Variants in PCDHB12 observed in about 807,000 individuals in gnomAD.
PCDHB12 encodes protocadherin beta 12, also known as protocadherin beta-12.
For synonymous variants in PCDHB12, 560 were observed against 445.2 expected (o/e 1.26, Z -3.24); for missense variants, 1,192 against 998.2 (o/e 1.19, Z -2.62).
Position 141,210,212 on chromosome 5 carries a change from C to T in PCDHB12, c.1305C>T (p.His435=), listed in dbSNP as rs1394543068. 18 of 1,614,090 alleles carry T rather than the reference C, an allele frequency of 1.1e-5. No individual in the cohort carries two copies. The highest frequency in any genetic ancestry group is 3.3e-5 in the Admixed American group (2 of 60,004). Residue 435 remains histidine, a synonymous_variant, in exon 1 of 1, where the codon CAC becomes CAT. Coordinates refer to ENST00000239450, the MANE Select transcript of PCDHB12 (RefSeq NM_018932.4). ...DLGTPRLKTE[H]NITVLVSDVN... is the part of the protein sequence containing the mutation. Reference sequence around the variant, plus strand: ...GGACCCCCAGGCTAAAAACCGAGCACAACATAACCGTGCTGGTCTCCGACG... The same window carrying T: ...GGACCCCCAGGCTAAAAACCGAGCATAACATAACCGTGCTGGTCTCCGACG...
chr5:141,210,867 G>A lies in PCDHB12; in HGVS notation c.1960G>A (p.Ala654Thr). 1.9e-6 allele frequency: 3 copies of A among 1,604,326 alleles called. No homozygotes were observed. The highest frequency in any genetic ancestry group is 2.5e-6 in the Non-Finnish European group (3 of 1,179,300). Reference sequence around the variant, plus strand: ...GGACAATGGCGAGCCTCCGCGCTCGGCCACCGCCACGCTGCACGTGCTCCT... The same window carrying A: ...GGACAATGGCGAGCCTCCGCGCTCGACCACCGCCACGCTGCACGTGCTCCT... ...VKDNGEPPRSATATLHVLLVD... is the reference protein window; with the variant it reads ...VKDNGEPPRSTTATLHVLLVD... The change falls in exon 1 of 1, where the codon GCC (alanine) becomes ACC (threonine). Residue 654 changes from alanine to threonine, a missense_variant. Transcript: ENST00000239450.
In PCDHB12 at chr5:141,210,358, C is replaced by T. The variant is rs782098156; in HGVS notation, c.1451C>T (p.Ala484Val). Residue 484 changes from alanine to valine, a missense_variant, in exon 1 of 1, where the codon GCC becomes GTC. Ala to Val is a moderately conservative substitution (Grantham distance 64, BLOSUM62 0). Transcript: ENST00000239450. ...SATDRDSGTN[A>V]QVNYSLLPSQ... ...ACAGACAGAGACTCGGGCACCAACG[C>T]CCAGGTCAACTACTCGCTGCTGCCG... is the stretch of plus-strand genomic sequence containing the variant. 6.2e-7 allele frequency: 1 copy of T among 1,613,028 alleles called. No homozygotes were observed. Among genetic ancestry groups the T allele is most frequent in the Non-Finnish European group, 8.5e-7 (1 of 1,180,038 alleles).
chr5:141,208,876 C>T lies in PCDHB12; in HGVS notation c.-32C>T. On this transcript the variant is annotated 5_prime_UTR_variant, in exon 1 of 1. Coordinates refer to ENST00000239450, the MANE Select transcript of PCDHB12 (RefSeq NM_018932.4). ...GCGAAGAGGCGCTGAGGCAATTCTG[C>T]AAGAAGATTTTGGGGTTTTGGAAAA... 1 of 1,507,954 alleles carries T rather than the reference C, an allele frequency of 6.6e-7. No individual in the cohort carries two copies. Among genetic ancestry groups the T allele is most frequent in the East Asian group, 2.3e-5 (1 of 43,720 alleles). 93.4% of individuals were successfully genotyped at this position (1,507,954 alleles called of 1,614,324 possible). A position where few individuals can be genotyped will look rare whatever the true frequency, so the allele number is the denominator to read the frequency against.
chr5:141,209,513 TGA>T lies in PCDHB12; in HGVS notation c.607_608del (p.Glu203ArgfsTer33). 8 of 1,614,244 alleles carry T rather than the reference TGA, an allele frequency of 5.0e-6. No homozygotes were observed. The East Asian group carries it at 1.8e-4, about 36-fold the overall frequency. ...ELVLDKALDY[E>X]ERPELSFILT... ...TAGTTCTGGACAAGGCGCTGGATTA[TGA>T]AGAGCGCCCGGAGCTCAGTTTCATC... On this transcript the variant is annotated frameshift_variant, in exon 1 of 1. Coordinates refer to ENST00000239450, the MANE Select transcript of PCDHB12 (RefSeq NM_018932.4). LOFTEE classifies it low-confidence loss of function (END_TRUNC).
In PCDHB12 at chr5:141,209,467, A is replaced by G; in HGVS notation, c.560A>G (p.Asp187Gly). The G allele has an allele frequency of 1.2e-6, 2 of 1,614,186 alleles. No individual in the cohort carries two copies. Among genetic ancestry groups the G allele is most frequent in the South Asian group, 1.1e-5 (1 of 91,082 alleles). The change falls in exon 1 of 1, where the codon GAC (aspartate) becomes GGC (glycine). Residue 187 changes from aspartate (D) to glycine (G), a missense_variant. Coordinates refer to ENST00000239450, the MANE Select transcript of PCDHB12 (RefSeq NM_018932.4). ...CACGTTAAAATAAGAGTCAATCCAG[A>G]CAATAGGAAATACCCTGAGTTAGTT... is the stretch of plus-strand genomic sequence containing the variant. ...HFHVKIRVNP[D>G]NRKYPELVLD...
In PCDHB12 at chr5:141,209,350, T is replaced by C. The variant is rs2149678168; in HGVS notation, c.443T>C (p.Val148Ala). 3 of 1,614,216 alleles carry C rather than the reference T, an allele frequency of 1.9e-6. No homozygotes were observed. In the Middle Eastern group the frequency reaches 4.9e-4, roughly 266 times the overall value. ...TTAGAAATCCCAGAGAACAGTCCTGTTGGTGCTGTGTTCTTGCTTGAAAGT... is the reference window on the plus strand; with the variant it reads ...TTAGAAATCCCAGAGAACAGTCCTGCTGGTGCTGTGTTCTTGCTTGAAAGT... ...MLLEIPENSP[V>A]GAVFLLESAK... The change falls in exon 1 of 1, where the codon GTT becomes GCT. Residue 148 changes from valine to alanine, a missense_variant. Transcript: ENST00000239450.
chr5:141,211,077 C>A lies in PCDHB12; in HGVS notation c.2170C>A (p.Arg724Ser). Residue 724 changes from arginine to serine, a missense_variant, in exon 1 of 1, where the codon CGC (arginine) becomes AGC (serine). By Grantham distance (110) the Arg-to-Ser change is moderately radical. Transcript: ENST00000239450. ...GAGGAGCAGGGCGGCCCCGGTCGGTCGCTGCTCGGTGCCTGAGGGCCCCTT... is the reference window on the plus strand; with the variant it reads ...GAGGAGCAGGGCGGCCCCGGTCGGTAGCTGCTCGGTGCCTGAGGGCCCCTT... Reference protein sequence around the residue: ...CRRSRAAPVGRCSVPEGPFPG... With the variant: ...CRRSRAAPVGSCSVPEGPFPG... The A allele has an allele frequency of 6.2e-7, 1 of 1,613,606 alleles. No individual in the cohort carries two copies. The highest frequency in any genetic ancestry group is 1.1e-5 in the South Asian group (1 of 91,058).
At position 141,209,131 on chromosome 5, in the gene PCDHB12, T is replaced by G. The variant is rs1437105009; in HGVS notation, c.224T>G (p.Leu75Trp). Residue 75 changes from leucine (L) to tryptophan (W), a missense_variant, in exon 1 of 1, where the codon TTG becomes TGG. Transcript: ENST00000239450. ...RVVSNDNKEC[L>W]QLDTNTGDLL... ...GTTTCTAATGATAACAAAGAGTGTT[T>G]GCAGCTGGACACAAACACTGGGGAT... is the stretch of plus-strand genomic sequence containing the variant. The G allele has an allele frequency of 1.2e-6, 2 of 1,614,150 alleles. No individual in the cohort carries two copies. The highest frequency in any genetic ancestry group is 1.7e-6 in the Non-Finnish European group (2 of 1,180,038).
Position 141,211,513 on chromosome 5 carries a change from C to T in PCDHB12, c.*218C>T. On this transcript the variant is annotated 3_prime_UTR_variant, in exon 1 of 1. Coordinates refer to ENST00000239450, the MANE Select transcript of PCDHB12 (RefSeq NM_018932.4). ...TAATGGTTTATGTCAAACAATTATG[C>T]TTAATATAAAGTCTATTAAGTGGTA... 1.6e-6 allele frequency: 1 copy of T among 637,474 alleles called. No individual in the cohort carries two copies. Among genetic ancestry groups the T allele is most frequent in the Non-Finnish European group, 2.8e-6 (1 of 355,032 alleles). 39.5% of individuals were successfully genotyped at this position (637,474 alleles called of 1,614,324 possible). A position where few individuals can be genotyped will look rare whatever the true frequency, so the allele number is the denominator to read the frequency against.
In PCDHB12 at chr5:141,211,183, C is replaced by T. The variant is rs1440312324; in HGVS notation, c.2276C>T (p.Ser759Phe). ...TATGAGGTGTGTGTGACTGGAGGCT[C>T]CAGGTCAAATAAGTTCAAATTTCTG... ...YHYEVCVTGGSRSNKFKFLKP... is the reference protein window; with the variant it reads ...YHYEVCVTGGFRSNKFKFLKP... The change falls in exon 1 of 1, where the codon TCC becomes TTC. Residue 759 changes from serine to phenylalanine, a missense_variant. Ser to Phe is a radical substitution (Grantham distance 155). Coordinates refer to ENST00000239450, the MANE Select transcript of PCDHB12 (RefSeq NM_018932.4). 1.2e-6 allele frequency: 2 copies of T among 1,614,028 alleles called. No homozygotes were observed. The highest frequency in any genetic ancestry group is 1.7e-6 in the Non-Finnish European group (2 of 1,180,002).
In PCDHB12 at chr5:141,209,120, C is replaced by A. The variant is rs145009914; in HGVS notation, c.213C>A (p.Asn71Lys). The A allele has an allele frequency of 1.2e-6, 2 of 1,613,990 alleles. No individual in the cohort carries two copies. Among genetic ancestry groups the A allele is most frequent in the African/African-American group, 1.3e-5 (1 of 74,910 alleles). Reference sequence around the variant, plus strand: ...GGGCTCGGGTGGTTTCTAATGATAACAAAGAGTGTTTGCAGCTGGACACAA... The same window carrying A: ...GGGCTCGGGTGGTTTCTAATGATAAAAAAGAGTGTTTGCAGCTGGACACAA... The part of the protein sequence containing the change: ...SRGARVVSND[N>K]KECLQLDTNT... The change falls in exon 1 of 1, where the codon AAC becomes AAA. Residue 71 changes from asparagine to lysine, a missense_variant. Transcript: ENST00000239450.
At position 141,209,620 on chromosome 5, in the gene PCDHB12, A is replaced by G. The variant is rs144863881; in HGVS notation, c.713A>G (p.Asn238Ser). ...GTGGTGGTTGTAGATATTAATGACA[A>G]CTCCCCTGAGTTTGAGCAGGCTTTT... ...VRVVVVDIND[N>S]SPEFEQAFYE... is the part of the protein sequence containing the mutation. Residue 238 changes from asparagine (N) to serine (S), a missense_variant, in exon 1 of 1, where the codon AAC becomes AGC. Transcript: ENST00000239450. The G allele has an allele frequency of 1.9e-6, 3 of 1,613,628 alleles. No individual in the cohort carries two copies. Among genetic ancestry groups the G allele is most frequent in the Non-Finnish European group, 1.7e-6 (2 of 1,179,938 alleles).
rs1754383779 is a variant in PCDHB12 at position 141,209,583 on chromosome 5, G to A, written c.676G>A (p.Ala226Thr). ...CGGGTCCCCTCCCAGGTCTGGAACTGCCTTGGTCAGGGTGGTGGTTGTAGA... is the reference window on the plus strand; with the variant it reads ...CGGGTCCCCTCCCAGGTCTGGAACTACCTTGGTCAGGGTGGTGGTTGTAGA... ...DGGSPPRSGT[A>T]LVRVVVVDIN... Residue 226 changes from alanine (A) to threonine (T), a missense_variant, in exon 1 of 1, where the codon GCC becomes ACC. Transcript: ENST00000239450. 6.2e-7 allele frequency: 1 copy of A among 1,614,044 alleles called. No homozygotes were observed. The highest frequency in any genetic ancestry group is 1.1e-5 in the South Asian group (1 of 91,074).
chr5:141,208,861 G>T lies in PCDHB12; in HGVS notation c.-47G>T. ...ACGTTTCCCACAACTGCGAAGAGGC[G>T]CTGAGGCAATTCTGCAAGAAGATTT... is the stretch of plus-strand genomic sequence containing the variant. On this transcript the variant is annotated 5_prime_UTR_variant, in exon 1 of 1. Coordinates refer to ENST00000239450, the MANE Select transcript of PCDHB12 (RefSeq NM_018932.4). The T allele has an allele frequency of 6.7e-7, 1 of 1,489,118 alleles. No individual in the cohort carries two copies. Among genetic ancestry groups the T allele is most frequent in the Non-Finnish European group, 9.0e-7 (1 of 1,114,194 alleles). 92.2% of individuals were successfully genotyped at this position (1,489,118 alleles called of 1,614,324 possible).
rs782278243 is a variant in PCDHB12 at position 141,209,466 on chromosome 5, G to T, written c.559G>T (p.Asp187Tyr). ...CCACGTTAAAATAAGAGTCAATCCA[G>T]ACAATAGGAAATACCCTGAGTTAGT... ...HFHVKIRVNPDNRKYPELVLD... is the reference protein window; with the variant it reads ...HFHVKIRVNPYNRKYPELVLD... Residue 187 changes from aspartate to tyrosine, a missense_variant, in exon 1 of 1, where the codon GAC becomes TAC. Physicochemically the swap from Asp to Tyr is radical, Grantham distance 160. Coordinates refer to ENST00000239450, the MANE Select transcript of PCDHB12 (RefSeq NM_018932.4). 17 of 1,614,072 alleles carry T rather than the reference G, an allele frequency of 1.1e-5. No individual in the cohort carries two copies. Among genetic ancestry groups the T allele is most frequent in the African/African-American group, 5.3e-5 (4 of 74,926 alleles).
Position 141,211,368 on chromosome 5 carries a change from A to G in PCDHB12, c.*73A>G. 1 of 1,415,604 alleles carries G rather than the reference A, an allele frequency of 7.1e-7. No homozygotes were observed. Among genetic ancestry groups the G allele is most frequent in the Non-Finnish European group, 9.7e-7 (1 of 1,034,434 alleles). 87.7% of individuals were successfully genotyped at this position (1,415,604 alleles called of 1,614,324 possible). ...GGAACTTATCGTGAGGTGCCTGTAA[A>G]GTAGTATTTTTGATCACTTCAAATA... On this transcript the variant is annotated 3_prime_UTR_variant, in exon 1 of 1. Transcript: ENST00000239450.
At position 141,210,975 on chromosome 5, in the gene PCDHB12, C is replaced by T. The variant is rs370126250; in HGVS notation, c.2068C>T (p.Leu690=). The T allele has an allele frequency of 1.1e-5, 17 of 1,611,884 alleles. No individual in the cohort carries two copies. Among genetic ancestry groups the T allele is most frequent in the Non-Finnish European group, 1.4e-5 (17 of 1,179,832 alleles). ...QAQADSLTVY[L]VVALASVSSL... ...CCAGGCCGACTCGCTCACTGTCTACCTGGTGGTGGCGTTGGCCTCAGTGTC... is the reference window on the plus strand; with the variant it reads ...CCAGGCCGACTCGCTCACTGTCTACTTGGTGGTGGCGTTGGCCTCAGTGTC... Residue 690 remains leucine, a synonymous_variant, in exon 1 of 1, where the codon CTG becomes TTG. Transcript: ENST00000239450.
At position 141,211,108 on chromosome 5, in the gene PCDHB12, G is replaced by T; in HGVS notation, c.2201G>T (p.Gly734Val). The T allele has an allele frequency of 6.2e-7, 1 of 1,614,128 alleles. No homozygotes were observed. The highest frequency in any genetic ancestry group is 8.5e-7 in the Non-Finnish European group (1 of 1,180,038). The change falls in exon 1 of 1, where the codon GGA (glycine) becomes GTA (valine). Residue 734 changes from glycine to valine, a missense_variant. Physicochemically the swap from Gly to Val is moderately radical, Grantham distance 109. Coordinates refer to ENST00000239450, the MANE Select transcript of PCDHB12 (RefSeq NM_018932.4). ...TCGGTGCCTGAGGGCCCCTTTCCAG[G>T]ACATCTGGTGGACGTGAGTGGCACC... The part of the protein sequence containing the change: ...RCSVPEGPFP[G>V]HLVDVSGTGT...
chr5:141,211,191 A>G lies in PCDHB12; in HGVS notation c.2284A>G (p.Asn762Asp). The change falls in exon 1 of 1, where the codon AAT (asparagine) becomes GAT (aspartate). Residue 762 changes from asparagine (N) to aspartate (D), a missense_variant. Coordinates refer to ENST00000239450, the MANE Select transcript of PCDHB12 (RefSeq NM_018932.4). The part of the protein sequence containing the change: ...EVCVTGGSRS[N>D]KFKFLKPIIP... ...GTGTGTGACTGGAGGCTCCAGGTCAAATAAGTTCAAATTTCTGAAACCAAT... is the reference window on the plus strand; with the variant it reads ...GTGTGTGACTGGAGGCTCCAGGTCAGATAAGTTCAAATTTCTGAAACCAAT... 1.2e-6 allele frequency: 2 copies of G among 1,614,122 alleles called. No homozygotes were observed. Among genetic ancestry groups the G allele is most frequent in the Middle Eastern group, 3.3e-4 (2 of 6,062 alleles).
Sources: gnomAD v4.1 joint callset for allele counts on GRCh38, gnomAD v4.1.1 for gene constraint, MANE v1.5 for transcripts, NCBI Gene and HGNC (gene_info 2026-07-23, HGNC 2026-07-21) for gene names.